Variants in USHBP1 observed in about 807,000 individuals in gnomAD.
USHBP1 encodes the protein USH1 protein network component harmonin binding protein 1, also known as harmonin-binding protein USHBP1.
USHBP1 carries 67 observed loss-of-function variants against 76.2 expected under a neutral mutation model. The ratio of observed to expected loss-of-function variants is 0.88; its 90% CI spans 0.72 to 1.08. USHBP1 has a LOEUF of 1.08. USHBP1 is among the 50% of genes least tolerant of loss of function. The pLI, the probability that USHBP1 is intolerant of heterozygous loss-of-function variation, is 0.00. For synonymous variants in USHBP1, 322 were observed against 362.2 expected (o/e 0.89, Z 1.26); for missense variants, 931 against 915.0 (o/e 1.02, Z -0.23).
At position 17,261,339 on chromosome 19, in the gene USHBP1, T is replaced by TTCTTTC. The variant is rs1393520875; in HGVS notation, c.642+1212_642+1213insGAAAGA. On this transcript the variant is annotated intron_variant, in intron 4 of 12. Transcript: ENST00000252597. ...TCTTTTTCTTTCTTTCTTTCTTTCT[T>TTCTTTC]TTTTTTTTTTTTTTGAGAAAGAGTT... Among the ~76,000 whole-genome samples the TTCTTTC allele has an allele frequency of 3.9e-3, 562 of 144,318 alleles. 1 individual carries two copies. The highest frequency in any genetic ancestry group is 6.8e-3 in the Non-Finnish European group (444 of 65,434). The allele number at this position is 144,318 out of a possible 152,430, so 94.7% of individuals were successfully genotyped here.
At chr19:17,254,656 CAAA>C (rs77870417) in intron 10 of USHBP1, among the ~76,000 whole-genome samples, 3 of 124,034 alleles carry the variant, frequency 2.4e-5, no homozygotes, top group African/African-American at 3.0e-5. Flanking sequence ...AACTCTGTCT[CAAA>C]AAAAAAAAAA....
chr19:17,255,301 CAA>C (rs35026554), intron 10 of USHBP1, 82 bp downstream of exon 10: 3,600 of 1,209,328 alleles, frequency 3.0e-3, no homozygotes, highest in South Asian at 6.2e-3. Context: ...TCAAAAAAAA[CAA>C]AAAAAAAAAG....
rs201403249 is a variant in USHBP1, at chr19:17,259,280, T to G, written c.1046+9A>C. 1,019 of 1,588,990 alleles carry G rather than the reference T, an allele frequency of 6.4e-4. 4 individuals are homozygous for G. In the African/African-American group the frequency reaches 9.9e-3, roughly 15 times the overall value. On this transcript the variant is annotated intron_variant, in intron 7 of 12. Transcript: ENST00000252597. ...CCAGCTGGTGACATCACTGGCAGGGTGCACTGACCTGTACTGCAAGGCCAG... is the reference window on the plus strand; with the variant it reads ...CCAGCTGGTGACATCACTGGCAGGGGGCACTGACCTGTACTGCAAGGCCAG...
At chr19:17,259,164 C>CAAA in intron 7 of USHBP1, 125 bp downstream of exon 7, 1 of 1,087,460 alleles carries the variant, frequency 9.2e-7, no homozygotes, top group Non-Finnish European at 1.2e-6. Context: ...GATTCTGTCT[C>CAAA]AAAAAAAAAA....
At position 17,259,281 on chromosome 19, in the gene USHBP1, G is replaced by A; in HGVS notation, c.1046+8C>T. The A allele has an allele frequency of 6.2e-7, 1 of 1,600,012 alleles. No homozygotes were observed. Among genetic ancestry groups the A allele is most frequent in the South Asian group, 1.1e-5 (1 of 90,028 alleles). ...CAGCTGGTGACATCACTGGCAGGGT[G>A]CACTGACCTGTACTGCAAGGCCAGA... is the stretch of plus-strand genomic sequence containing the variant. On this transcript the variant is annotated splice_region_variant and intron_variant, in intron 7 of 12. Transcript: ENST00000252597.
chr19:17,251,764 C>T, intron 11 of USHBP1, 60 bp from the exon 12 acceptor site: 3 of 1,604,650 alleles, frequency 1.9e-6, no homozygotes, highest in Non-Finnish European at 2.5e-6. Context: ...TCCCAGGTCT[C>T]CTCCTACCCA....
intron 4 of USHBP1, 26 bp from the exon 5 acceptor site, chr19:17,260,048 G>A (rs2145591019): frequency 1.2e-6 from 2 of 1,602,274 alleles, no homozygotes; most frequent in East Asian, 4.5e-5. Flanking sequence ...GGGACGTCAG[G>A]CCTAGGGGCT....
intron 7 of USHBP1, 57 bp from the exon 8 acceptor site, chr19:17,258,442 C>CCCTCA: frequency 6.4e-7 from 1 of 1,570,382 alleles, no homozygotes; most frequent in Non-Finnish European, 8.6e-7. Context: ...GGTGCAATGG[C>CCCTCA]CCTCACCTGT....
At position 17,262,952 on chromosome 19, in the gene USHBP1, A is replaced by G. The variant is rs141014235; in HGVS notation, c.242T>C (p.Leu81Pro). 3.0e-5 allele frequency: 46 copies of G among 1,529,566 alleles called. No individual in the cohort carries two copies. The highest frequency in any genetic ancestry group is 4.0e-5 in the Non-Finnish European group (46 of 1,138,800). The allele number at this position is 1,529,566 out of a possible 1,614,324, so 94.7% of individuals were successfully genotyped here. A position where few individuals can be genotyped will look rare whatever the true frequency, so the allele number is the denominator to read the frequency against. ...KKMDGGSGRE[L>P]ASAPEVPHKP... Reference sequence around the variant, plus strand: ...GTGGGGCACTTCGGGGGCTGAGGCCAGTTCCCTGCCAGAGCCCCCATCCAT... The same window carrying G: ...GTGGGGCACTTCGGGGGCTGAGGCCGGTTCCCTGCCAGAGCCCCCATCCAT... The change falls in exon 4 of 13, where the codon CTG (leucine) becomes CCG (proline). Residue 81 changes from leucine to proline, a missense_variant. Physicochemically the swap from Leu to Pro is moderately conservative, Grantham distance 98. Coordinates refer to ENST00000252597, the MANE Select transcript of USHBP1 (RefSeq NM_031941.4).
intron 12 of USHBP1, among the ~76,000 whole-genome samples, 158 bp downstream of exon 12, chr19:17,251,424 A>G (rs1330127694): frequency 1.3e-5 from 2 of 152,046 alleles, no homozygotes; most frequent in Admixed American, 1.3e-4. Flanking sequence ...TCAGCCTCCC[A>G]ACATGCTGGG....
intron 10 of USHBP1, among the ~76,000 whole-genome samples, chr19:17,253,189 C>A (rs2073573955): frequency 6.6e-6 from 1 of 151,470 alleles, no homozygotes; most frequent in Non-Finnish European, 1.5e-5. Context: ...AGGATGGTCT[C>A]GATCTCCTGA....
At chr19:17,255,743 G>A in intron 9 of USHBP1, 137 bp from the exon 10 acceptor site, 8 of 956,732 alleles carry the variant, frequency 8.4e-6, no homozygotes, top group South Asian at 1.8e-5. Flanking sequence ...GCTCATGCCT[G>A]TAATCCCAGC....
At chr19:17,255,287 C>A (rs2073603667) in intron 10 of USHBP1, 98 bp downstream of exon 10, 3 of 1,317,040 alleles carry the variant, frequency 2.3e-6, no homozygotes, top group African/African-American at 1.9e-5. Flanking sequence ...AGCCAAACTC[C>A]GTCTCAAAAA....
chr19:17,254,137 A>C (rs1043899116), intron 10 of USHBP1, among the ~76,000 whole-genome samples: 3 of 151,834 alleles, frequency 2.0e-5, no homozygotes, highest in African/African-American at 7.3e-5. Context: ...AGGTCAGGAG[A>C]TCGAGACCAT....
intron 3 of USHBP1, 65 bp from the exon 4 acceptor site, chr19:17,263,055 TGA>T: frequency 6.8e-7 from 1 of 1,474,642 alleles, no homozygotes; most frequent in Non-Finnish European, 9.0e-7. Context: ...TTTTATTTTT[TGA>T]GACGGAGTCT....
At chr19:17,264,382 G>T in intron 1 of USHBP1, 35 bp from the exon 2 acceptor site, 1 of 1,468,094 alleles carries the variant, frequency 6.8e-7, no homozygotes, top group African/African-American at 1.4e-5. Flanking sequence ...TCTTGCCTTT[G>T]TTGTCCTGGA....
Position 17,258,339 on chromosome 19 carries a change from C to G in USHBP1, c.1093G>C (p.Ala365Pro). The part of the protein sequence containing the change: ...AYRVLLALRE[A>P]DSGAGDEAPM... ...GCTTCGTCTCCTGCTCCTGAGTCGG[C>G]CTCCCGCAGAGCAAGCAGAACCCTG... Residue 365 changes from alanine to proline, a missense_variant, in exon 8 of 13, where the codon GCC (alanine) becomes CCC (proline). Transcript: ENST00000252597. 1 of 1,614,056 alleles carries G rather than the reference C, an allele frequency of 6.2e-7. No homozygotes were observed. Among genetic ancestry groups the G allele is most frequent in the Admixed American group, 1.7e-5 (1 of 60,000 alleles).
chr19:17,252,112 T>A, intron 10 of USHBP1, 95 bp from the exon 11 acceptor site: 1 of 1,161,868 alleles, frequency 8.6e-7, no homozygotes, highest in Non-Finnish European at 1.2e-6. Flanking sequence ...CAGTGGCAGC[T>A]GCTGTGCTCT....
At position 17,262,676 on chromosome 19, in the gene USHBP1, G is replaced by A; in HGVS notation, c.518C>T (p.Ala173Val). The A allele has an allele frequency of 6.2e-7, 1 of 1,614,082 alleles. No homozygotes were observed. The highest frequency in any genetic ancestry group is 1.3e-5 in the African/African-American group (1 of 75,064). Residue 173 changes from alanine to valine, a missense_variant, in exon 4 of 13, where the codon GCA becomes GTA. Ala to Val is a moderately conservative substitution (Grantham distance 64). Transcript: ENST00000252597. ...QEGAGSCQRE[A>V]ARLAERNAWL... ...GGCATTCCTCTCGGCCAGGCGAGCT[G>A]CCTCTCGCTGGCAGCTCCCTGCCCC...
Sources: allele counts gnomAD v4.1 joint callset (sites outside exome capture counted in the v4.1 genomes callset), GRCh38; gene constraint gnomAD v4.1.1; transcripts MANE v1.5; gene names NCBI Gene and HGNC (gene_info 2026-07-23, HGNC 2026-07-21).